SUGCT: variants seen among roughly 807,000 people sequenced by gnomAD.
SUGCT encodes succinyl-CoA:glutarate CoA-transferase.
In SUGCT, 41 loss-of-function variants were observed where a neutral mutation model predicts 55.0. The ratio of observed to expected loss-of-function variants is 0.74; its 90% confidence interval spans 0.58 to 0.97. The LOEUF (loss-of-function observed/expected upper bound fraction) is 0.97, where lower values mean the gene tolerates loss of function less well. Among genes scored for constraint, SUGCT ranks in the 50% least tolerant of loss-of-function variants. The pLI, the probability that SUGCT is intolerant of heterozygous loss-of-function variation, is 0.00. For missense variants in SUGCT, 568 were observed against 547.8 expected, an observed-to-expected ratio of 1.04 and a Z score of -0.37; for synonymous variants, 187 against 200.4, an observed-to-expected ratio of 0.93 and a Z score of 0.56.
the SUGCT span, among the ~76,000 whole-genome samples, chr7:40,913,843 A>G: frequency 6.6e-6 from 1 of 152,218 alleles, no homozygotes; most frequent in African/African-American, 2.4e-5. Context: ...GAAATGCACA[A>G]GCTCATGGAA....
At chr7:40,289,379 G>T (rs1793578993) in intron 8 of SUGCT, among the ~76,000 whole-genome samples, 1 of 152,134 alleles carries the variant, frequency 6.6e-6, no homozygotes, top group South Asian at 2.1e-4. Context: ...AGGTATGCAT[G>T]TATAGGAGTT....
chr7:41,014,753 A>C, the SUGCT span, among the ~76,000 whole-genome samples: 2 of 152,164 alleles, frequency 1.3e-5, no homozygotes, highest in Admixed American at 1.3e-4. Context: ...CCTAAGAAAA[A>C]ATTTACTCCA....
At chr7:40,956,898 G>T in the SUGCT span, among the ~76,000 whole-genome samples, 50,473 of 151,934 alleles carry the variant, frequency 0.33, 9,102 homozygotes, top group Admixed American at 0.45. Context: ...TCAGGAGCAG[G>T]TTGTTCAGTT....
chr7:40,996,217 A>C, the SUGCT span, among the ~76,000 whole-genome samples: 1 of 152,130 alleles, frequency 6.6e-6, no homozygotes, highest in Non-Finnish European at 1.5e-5. Flanking sequence ...CTACATGTCC[A>C]TGCTTTTTTT....
At chr7:41,029,643 A>C in the SUGCT span, among the ~76,000 whole-genome samples, 1 of 152,220 alleles carries the variant, frequency 6.6e-6, no homozygotes, top group Non-Finnish European at 1.5e-5. Flanking sequence ...TCAGAAGAAA[A>C]GGTACAGAGA....
intron 6 of SUGCT, among the ~76,000 whole-genome samples, chr7:40,209,042 G>A (rs1452656633): frequency 1.3e-5 from 2 of 151,968 alleles, no homozygotes; most frequent in Non-Finnish European, 2.9e-5. Context: ...ACCATATTTT[G>A]TTATTCCATT....
At chr7:41,002,311 G>A in the SUGCT span, among the ~76,000 whole-genome samples, 12 of 152,316 alleles carry the variant, frequency 7.9e-5, no homozygotes, top group African/African-American at 2.9e-4. Flanking sequence ...ATGAACCACT[G>A]TGCCCGGTGG....
intron 7 of SUGCT, among the ~76,000 whole-genome samples, chr7:40,248,123 T>G (rs753040831): frequency 6.6e-6 from 1 of 152,014 alleles, no homozygotes; most frequent in South Asian, 2.1e-4. Context: ...GCGATTCTTC[T>G]GCCTCAGCCT....
At chr7:40,771,971 T>A (rs1243530082) in intron 13 of SUGCT, among the ~76,000 whole-genome samples, 1 of 152,174 alleles carries the variant, frequency 6.6e-6, no homozygotes, top group South Asian at 2.1e-4. Flanking sequence ...TAGCATAGTA[T>A]TTTTCATCTT....
the SUGCT span, among the ~76,000 whole-genome samples, chr7:40,920,086 T>G: frequency 1.1e-3 from 174 of 152,184 alleles, 1 homozygote; most frequent in Non-Finnish European, 1.8e-3. Context: ...TTCTTCCACC[T>G]CCTCTACTTG....
At chr7:40,795,993 G>C (rs1162230645) in intron 13 of SUGCT, among the ~76,000 whole-genome samples, 2 of 152,058 alleles carry the variant, frequency 1.3e-5, no homozygotes. Flanking sequence ...GTACTTTCTT[G>C]ACCTCTTTTA....
At chr7:40,169,362 T>C (rs1784566019) in intron 1 of SUGCT, among the ~76,000 whole-genome samples, 3 of 151,716 alleles carry the variant, frequency 2.0e-5, no homozygotes, top group Admixed American at 2.0e-4. Context: ...GACAGGAGAG[T>C]AAGACTGAGA....
chr7:40,187,853 G>A (rs1260454219), intron 3 of SUGCT, among the ~76,000 whole-genome samples: 1 of 151,944 alleles, frequency 6.6e-6, no homozygotes, highest in Non-Finnish European at 1.5e-5. Flanking sequence ...GATGTCATTG[G>A]TTTATCTCCA....
At chr7:40,418,764 T>C (rs1178971699) in intron 9 of SUGCT, among the ~76,000 whole-genome samples, 1 of 152,064 alleles carries the variant, frequency 6.6e-6, no homozygotes, top group Non-Finnish European at 1.5e-5. Context: ...ACCATGAGGG[T>C]CTTTAAATGA....
intron 8 of SUGCT, among the ~76,000 whole-genome samples, chr7:40,304,998 A>G (rs1794773872): frequency 6.6e-6 from 1 of 152,188 alleles, no homozygotes. Flanking sequence ...ATCATCATGC[A>G]CTCAATTTTA....
the SUGCT span, among the ~76,000 whole-genome samples, chr7:40,899,872 A>G: frequency 6.6e-6 from 1 of 152,186 alleles, no homozygotes; most frequent in Non-Finnish European, 1.5e-5. Flanking sequence ...ATGGCCATGT[A>G]TGTCATTACA....
chr7:40,532,859 T>G (rs1794171469), intron 12 of SUGCT, among the ~76,000 whole-genome samples: 1 of 152,178 alleles, frequency 6.6e-6, no homozygotes. Context: ...TACAATATTT[T>G]AATTATGTTG....
the SUGCT span, among the ~76,000 whole-genome samples, chr7:40,905,768 G>A: frequency 6.6e-6 from 1 of 151,442 alleles, no homozygotes; most frequent in Non-Finnish European, 1.5e-5. Context: ...CAGGCTGGAG[G>A]ACTGCAGTGG....
intron 7 of SUGCT, among the ~76,000 whole-genome samples, chr7:40,253,075 C>T (rs567855080): frequency 7.2e-5 from 11 of 152,318 alleles, no homozygotes; most frequent in African/African-American, 2.4e-4. Flanking sequence ...AGTTACATAG[C>T]ATTTGAATGC....
Sources: allele counts gnomAD v4.1 joint callset (sites outside exome capture counted in the v4.1 genomes callset), GRCh38; gene constraint gnomAD v4.1.1; transcripts MANE v1.5; gene names NCBI Gene and HGNC (gene_info 2026-07-23, HGNC 2026-07-21).